Variants in NDST3 observed in about 807,000 individuals in gnomAD.
The protein encoded by NDST3 is N-deacetylase and N-sulfotransferase 3.
In NDST3, 58 loss-of-function variants were observed where a neutral mutation model predicts 96.1. The ratio of observed to expected loss-of-function variants is 0.60; its 90% CI spans 0.49 to 0.75. The LOEUF is 0.75. NDST3 is among the 30% of genes least tolerant of loss of function. The pLI, the probability that NDST3 is intolerant of heterozygous loss-of-function variation, is 0.00. For missense variants in NDST3, 788 were observed against 1,034.2 expected (o/e 0.76, Z 3.27); for synonymous variants, 333 against 359.7 (o/e 0.93, Z 0.84).
chr4:118,136,231 G>T (rs1381390229), intron 4 of NDST3, among the ~76,000 whole-genome samples: 4 of 152,096 alleles, frequency 2.6e-5, no homozygotes, highest in Non-Finnish European at 5.9e-5. Flanking sequence ...ACCTGCACAT[G>T]CACCCCTGTA....
intron 6 of NDST3, among the ~76,000 whole-genome samples, chr4:118,179,398 A>C (rs1736461976): frequency 6.6e-6 from 1 of 152,014 alleles, no homozygotes; most frequent in Admixed American, 6.6e-5. Context: ...GGTTTGCAAA[A>C]ATTAGGTTTT....
At chr4:118,098,647 T>C (rs573816971) in intron 2 of NDST3, among the ~76,000 whole-genome samples, 1 of 152,164 alleles carries the variant, frequency 6.6e-6, no homozygotes, top group African/African-American at 2.4e-5. Flanking sequence ...TCAAGATTGC[T>C]CTATAACTCT....
At chr4:118,164,885 T>C (rs1735441655) in intron 6 of NDST3, among the ~76,000 whole-genome samples, 1 of 152,160 alleles carries the variant, frequency 6.6e-6, no homozygotes, top group Non-Finnish European at 1.5e-5. Flanking sequence ...AACTATAAGA[T>C]GTTTTATGTA....
chr4:118,173,951 C>G (rs1372961312), intron 6 of NDST3, among the ~76,000 whole-genome samples: 1 of 152,142 alleles, frequency 6.6e-6, no homozygotes, highest in African/African-American at 2.4e-5. Context: ...ATCTACCTAA[C>G]TAAAAGCTGA....
At chr4:118,130,093 G>A (rs1216016625) in intron 4 of NDST3, among the ~76,000 whole-genome samples, 1 of 152,016 alleles carries the variant, frequency 6.6e-6, no homozygotes, top group Non-Finnish European at 1.5e-5. Context: ...AGTGAAGTGT[G>A]TTTCTTGTGG....
chr4:118,227,883 A>G (rs1166748312), intron 8 of NDST3, among the ~76,000 whole-genome samples: 1 of 152,190 alleles, frequency 6.6e-6, no homozygotes, highest in East Asian at 1.9e-4. Context: ...AAGTGCTGGG[A>G]TTACAGGCGT....
intron 1 of NDST3, among the ~76,000 whole-genome samples, chr4:118,038,578 C>G (rs1023431337): frequency 6.6e-6 from 1 of 152,180 alleles, no homozygotes; most frequent in Non-Finnish European, 1.5e-5. Flanking sequence ...TAACATGACA[C>G]AATTTCACAC....
intron 6 of NDST3, among the ~76,000 whole-genome samples, chr4:118,159,868 G>A (rs570391839): frequency 3.9e-5 from 6 of 152,048 alleles, no homozygotes; most frequent in Non-Finnish European, 7.4e-5. Context: ...TGCCCAGGGA[G>A]CAAAATAAAA....
intron 2 of NDST3, among the ~76,000 whole-genome samples, chr4:118,081,281 C>T (rs927148339): frequency 6.6e-6 from 1 of 152,086 alleles, no homozygotes; most frequent in African/African-American, 2.4e-5. Context: ...CTTATCTCTC[C>T]TAAAAAATAC....
At chr4:118,084,393 A>G (rs1728258088) in intron 2 of NDST3, among the ~76,000 whole-genome samples, 1 of 152,228 alleles carries the variant, frequency 6.6e-6, no homozygotes, top group Non-Finnish European at 1.5e-5. Flanking sequence ...GTTAGGCCCA[A>G]GCAACTTATG....
chr4:118,251,736 A>C (rs72919235), intron 12 of NDST3, among the ~76,000 whole-genome samples: 7,582 of 152,178 alleles, frequency 0.05, 348 homozygotes, highest in African/African-American at 0.12. Context: ...AGATCTCCAA[A>C]TTTGCTCTTT....
At chr4:118,051,168 A>T (rs540088871) in intron 1 of NDST3, among the ~76,000 whole-genome samples, 58 of 152,334 alleles carry the variant, frequency 3.8e-4, no homozygotes, top group African/African-American at 1.4e-3. Context: ...GGCTAGCCAT[A>T]TGCAGAAGAA....
intron 4 of NDST3, among the ~76,000 whole-genome samples, chr4:118,129,651 G>T (rs1043422728): frequency 2.9e-4 from 44 of 152,024 alleles, no homozygotes; most frequent in African/African-American, 9.9e-4. Context: ...GAAAAAGAAT[G>T]TGTATTCTGT....
chr4:118,076,847 C>T (rs933459643), intron 2 of NDST3, among the ~76,000 whole-genome samples: 1 of 152,152 alleles, frequency 6.6e-6, no homozygotes, highest in Admixed American at 6.6e-5. Flanking sequence ...CTACTTCAGT[C>T]GTTTTGAGGT....
rs1560664739 is a variant in NDST3, at chr4:118,130,045, T to A, written c.1225-8009T>A. 2.0e-5 allele frequency among the ~76,000 whole-genome samples: 3 copies of A among 152,222 alleles called. No individual in the cohort carries two copies. The South Asian group carries it at 6.2e-4, about 32-fold the overall frequency. On this transcript the variant is annotated intron_variant, in intron 4 of 13. Transcript: ENST00000296499. The stretch of plus-strand genomic sequence containing the variant: ...GTTTCAATTGGCATGGAATATCTTT[T>A]CACATCCCTTTATTTTCAGTCTATG...
At chr4:118,219,810 T>C (rs1170810901) in intron 6 of NDST3, among the ~76,000 whole-genome samples, 1 of 151,832 alleles carries the variant, frequency 6.6e-6, no homozygotes, top group African/African-American at 2.4e-5. Flanking sequence ...TAAACAAATC[T>C]ACAAGGAAAA....
At chr4:118,107,987 T>C (rs1282883962) in intron 3 of NDST3, among the ~76,000 whole-genome samples, 1 of 152,148 alleles carries the variant, frequency 6.6e-6, no homozygotes, top group Non-Finnish European at 1.5e-5. Context: ...TGGGGAGGCC[T>C]CACAATCATG....
chr4:118,071,270 T>C (rs564762003), intron 2 of NDST3, among the ~76,000 whole-genome samples: 209 of 152,216 alleles, frequency 1.4e-3, no homozygotes, highest in African/African-American at 4.8e-3. Flanking sequence ...TCTTATAACT[T>C]TTATTTCAGC....
rs113576312 is a variant in NDST3 at position 118,243,616 on chromosome 4, G to A, written c.2399+1467G>A. Among the ~76,000 whole-genome samples, 85 of 152,232 alleles carry A rather than the reference G, an allele frequency of 5.6e-4. 1 individual carries two copies. Among genetic ancestry groups the A allele is most frequent in the African/African-American group, 2.0e-3 (85 of 41,532 alleles). On this transcript the variant is annotated intron_variant, in intron 12 of 13. Coordinates refer to ENST00000296499, the MANE Select transcript of NDST3 (RefSeq NM_004784.3). Reference sequence around the variant, plus strand: ...AAAATTCAAGACCATTTTCTGTTCTGTATCTTTTTAAGCATCTCTTGGAAA... The same window carrying A: ...AAAATTCAAGACCATTTTCTGTTCTATATCTTTTTAAGCATCTCTTGGAAA...
Sources: allele counts gnomAD v4.1 joint callset (sites outside exome capture counted in the v4.1 genomes callset), GRCh38; gene constraint gnomAD v4.1.1; transcripts MANE v1.5; gene names NCBI Gene and HGNC (gene_info 2026-07-23, HGNC 2026-07-21).